TAMM41: variants seen among roughly 807,000 people sequenced by gnomAD.
The protein encoded by TAMM41 is TAM41 mitochondrial translocator assembly and maintenance homolog.
Under a neutral mutation model 44.1 loss-of-function variants are expected in TAMM41, and 36 were observed. The ratio of observed to expected loss-of-function variants is 0.82; its 90% CI spans 0.63 to 1.08. TAMM41 has a LOEUF of 1.08. Among genes scored for constraint, TAMM41 ranks in the 50% least tolerant of loss-of-function variants. TAMM41 has a pLI of 0.00. For missense variants in TAMM41, 417 were observed against 404.3 expected (o/e 1.03, Z -0.27); for synonymous variants, 164 against 153.1 (o/e 1.07, Z -0.53).
chr3:11,783,570 C>T, the TAMM41 span, among the ~76,000 whole-genome samples: 1 of 152,194 alleles, frequency 6.6e-6, no homozygotes, highest in East Asian at 1.9e-4. Context: ...AGCCACAAAT[C>T]AGGACGATGT....
chr3:11,764,946 T>C, the TAMM41 span, among the ~76,000 whole-genome samples: 1 of 152,166 alleles, frequency 6.6e-6, no homozygotes, highest in Non-Finnish European at 1.5e-5. Flanking sequence ...GCCAGAAAAA[T>C]AGTCATTGTC....
chr3:11,819,954 A>G (rs553782034), intron 4 of TAMM41, among the ~76,000 whole-genome samples: 1 of 152,178 alleles, frequency 6.6e-6, no homozygotes, highest in African/African-American at 2.4e-5. Context: ...ATGGACGTGC[A>G]AAGACAACAT....
In TAMM41 at chr3:11,817,219, C is replaced by G. The variant is rs1432197083; in HGVS notation, c.681G>C (p.Val227=). 1 of 1,612,276 alleles carries G rather than the reference C, an allele frequency of 6.2e-7. No individual in the cohort carries two copies. The highest frequency in any genetic ancestry group is 1.1e-5 in the South Asian group (1 of 90,840). The change falls in exon 5 of 8, where the codon GTG becomes GTC. Residue 227 remains valine, a synonymous_variant. Transcript: ENST00000455809. ...GSILQENPQV[V]YKSQQGWLEI... The stretch of plus-strand genomic sequence containing the variant: ...CCAGCCAGCCTTGCTGGCTTTTATA[C>G]ACCACTTGAGGATTTTCCTGTAGTA...
At chr3:11,737,857 G>A in the TAMM41 span, among the ~76,000 whole-genome samples, 1 of 152,188 alleles carries the variant, frequency 6.6e-6, no homozygotes, top group East Asian at 1.9e-4. Flanking sequence ...GGAGCTGACT[G>A]GTCGCTGGGC....
At chr3:11,781,358 T>C in the TAMM41 span, among the ~76,000 whole-genome samples, 1 of 152,172 alleles carries the variant, frequency 6.6e-6, no homozygotes, top group African/African-American at 2.4e-5. Flanking sequence ...GAAATGCTAC[T>C]GAAGCTCTTA....
At chr3:11,799,862 A>G (rs1448548044) in intron 7 of TAMM41, among the ~76,000 whole-genome samples, 1 of 152,248 alleles carries the variant, frequency 6.6e-6, no homozygotes, top group Non-Finnish European at 1.5e-5. Flanking sequence ...CTAGTCACCC[A>G]TAAAGGAAAC....
chr3:11,839,343 G>A, intron 2 of TAMM41, 29 bp from the exon 3 acceptor site: 2 of 1,369,670 alleles, frequency 1.5e-6, no homozygotes, highest in South Asian at 2.4e-5. Flanking sequence ...GGCACAAAAC[G>A]GAGTAAAATA....
chr3:11,786,055 A>G (rs1240613325), downstream of TAMM41, among the ~76,000 whole-genome samples: 1 of 152,010 alleles, frequency 6.6e-6, no homozygotes, highest in African/African-American at 2.4e-5. Context: ...CTGAAAACTT[A>G]ATGACTTTTT....
At chr3:11,773,641 T>C in the TAMM41 span, among the ~76,000 whole-genome samples, 1 of 152,248 alleles carries the variant, frequency 6.6e-6, no homozygotes. Flanking sequence ...AACAGCTTGT[T>C]TTCTCCATGA....
At chr3:11,732,989 G>GTTTTTTTTTTT in the TAMM41 span, among the ~76,000 whole-genome samples, 1 of 128,482 alleles carries the variant, frequency 7.8e-6, no homozygotes, top group African/African-American at 3.0e-5. Context: ...TATGATTTGA[G>GTTTTTTTTTTT]TTTTTTTTTT....
chr3:11,768,492 A>G, the TAMM41 span, among the ~76,000 whole-genome samples: 1 of 152,190 alleles, frequency 6.6e-6, no homozygotes, highest in Non-Finnish European at 1.5e-5. Flanking sequence ...GTGACAAGGT[A>G]TTTCCCACAA....
chr3:11,744,882 G>A, the TAMM41 span, among the ~76,000 whole-genome samples: 4 of 120,508 alleles, frequency 3.3e-5, no homozygotes, highest in East Asian at 9.7e-4. Flanking sequence ...TTTTTTTTTT[G>A]AGATGGAGTC....
intron 3 of TAMM41, 82 bp downstream of exon 3, chr3:11,839,140 T>G: frequency 1.2e-6 from 1 of 823,676 alleles, no homozygotes; most frequent in Non-Finnish European, 2.0e-6. Context: ...GAGTTCCATC[T>G]CATTGCAATC....
chr3:11,752,470 T>G, the TAMM41 span, among the ~76,000 whole-genome samples: 1 of 152,034 alleles, frequency 6.6e-6, no homozygotes, highest in African/African-American at 2.4e-5. Context: ...AACCTCTAGC[T>G]AGCCACTGAG....
intron 1 of TAMM41, 145 bp from the exon 2 acceptor site, chr3:11,844,356 G>A: frequency 1.4e-6 from 1 of 696,176 alleles, no homozygotes; most frequent in Non-Finnish European, 2.3e-6. Flanking sequence ...GCGAGTCTCT[G>A]GAACAAATAT....
chr3:11,746,860 C>T, the TAMM41 span, among the ~76,000 whole-genome samples: 1 of 151,834 alleles, frequency 6.6e-6, no homozygotes, highest in South Asian at 2.1e-4. Flanking sequence ...GCTCTCAAAC[C>T]CCTGGGCTCA....
chr3:11,743,775 C>T, the TAMM41 span, among the ~76,000 whole-genome samples: 3 of 152,170 alleles, frequency 2.0e-5, no homozygotes, highest in Non-Finnish European at 4.4e-5. Context: ...TATACAGCAG[C>T]GCTTTCAGTT....
chr3:11,731,005 C>A, the TAMM41 span, among the ~76,000 whole-genome samples: 1 of 152,096 alleles, frequency 6.6e-6, no homozygotes, highest in African/African-American at 2.4e-5. Context: ...TATTTCCTCA[C>A]CTATATGATG....
At chr3:11,777,610 A>G in the TAMM41 span, among the ~76,000 whole-genome samples, 2 of 152,204 alleles carry the variant, frequency 1.3e-5, no homozygotes, top group African/African-American at 4.8e-5. Flanking sequence ...CCTGGCCAAC[A>G]TGGTGAAACT....
Sources: allele counts gnomAD v4.1 joint callset (sites outside exome capture counted in the v4.1 genomes callset), GRCh38; gene constraint gnomAD v4.1.1; transcripts MANE v1.5; gene names NCBI Gene and HGNC (gene_info 2026-07-23, HGNC 2026-07-21).